Variants in NLGN1 observed in about 807,000 individuals in gnomAD.
NLGN1 encodes neuroligin-1.
In NLGN1, 12 loss-of-function variants were observed where a neutral mutation model predicts 65.5. That is an observed-to-expected ratio of 0.18 (90% CI 0.12 to 0.30). The LOEUF is 0.30. Ranked by LOEUF, NLGN1 falls within the 10% of genes least tolerant of loss-of-function variation. The pLI, the probability that NLGN1 is intolerant of heterozygous loss-of-function variation, is 1.00. For missense variants in NLGN1, 750 were observed against 1,007.1 expected, an observed-to-expected ratio of 0.74 and a Z score of 3.46; for synonymous variants, 350 against 359.5, an observed-to-expected ratio of 0.97 and a Z score of 0.30.
intron 4 of NLGN1, among the ~76,000 whole-genome samples, chr3:173,837,033 T>G (rs1723753908): frequency 6.6e-6 from 1 of 152,180 alleles, no homozygotes; most frequent in Admixed American, 6.6e-5. Flanking sequence ...TAAGTATATT[T>G]ACATAATAGA....
chr3:173,807,498 C>T (rs530654042), intron 3 of NLGN1, among the ~76,000 whole-genome samples, 182 bp from the exon 4 acceptor site: 1 of 152,154 alleles, frequency 6.6e-6, no homozygotes, highest in Non-Finnish European at 1.5e-5. Flanking sequence ...ACAATGGATG[C>T]CTATTGCTAT....
intron 4 of NLGN1, among the ~76,000 whole-genome samples, chr3:174,233,486 C>CATAATAATA (rs57467873): frequency 6.0e-4 from 88 of 146,928 alleles, no homozygotes; most frequent in South Asian, 2.0e-3. Context: ...AACTCTGTCT[C>CATAATAATA]ATAATAATAA....
intron 3 of NLGN1, among the ~76,000 whole-genome samples, chr3:173,773,015 A>C (rs946490503): frequency 6.6e-6 from 1 of 152,142 alleles, no homozygotes; most frequent in Admixed American, 6.5e-5. Context: ...CAACATTCCT[A>C]CTATGAATTC....
At chr3:173,950,441 C>T (rs1034541300) in intron 4 of NLGN1, among the ~76,000 whole-genome samples, 4 of 152,110 alleles carry the variant, frequency 2.6e-5, no homozygotes, top group Admixed American at 6.5e-5. Flanking sequence ...CAATGGCAAG[C>T]GCTGAACTAA....
At chr3:173,884,475 AAC>A (rs1189844870) in intron 4 of NLGN1, among the ~76,000 whole-genome samples, 4 of 152,178 alleles carry the variant, frequency 2.6e-5, no homozygotes, top group Non-Finnish European at 4.4e-5. Flanking sequence ...GCATAAATAT[AAC>A]ACTTTCTGTA....
At chr3:174,242,341 CG>C (rs1743037754) in intron 4 of NLGN1, among the ~76,000 whole-genome samples, 1 of 151,194 alleles carries the variant, frequency 6.6e-6, no homozygotes, top group African/African-American at 2.4e-5. Flanking sequence ...TGCAGTGAGC[CG>C]AGATTGCGAC....
At chr3:173,806,031 T>C (rs564633794) in intron 3 of NLGN1, among the ~76,000 whole-genome samples, 1 of 152,188 alleles carries the variant, frequency 6.6e-6, no homozygotes, top group Non-Finnish European at 1.5e-5. Flanking sequence ...TGTCAAAGTA[T>C]CCTTCCCTCA....
chr3:174,130,502 G>T (rs1719947023), intron 4 of NLGN1, among the ~76,000 whole-genome samples: 1 of 152,086 alleles, frequency 6.6e-6, no homozygotes, highest in Admixed American at 6.6e-5. Context: ...AATCTAAATG[G>T]GCTGGGTGTA....
chr3:173,536,198 C>T (rs546277269), intron 2 of NLGN1, among the ~76,000 whole-genome samples: 1 of 152,244 alleles, frequency 6.6e-6, no homozygotes, highest in South Asian at 2.1e-4. Context: ...GCAGATGTCT[C>T]ACCAGCTACT....
chr3:173,699,061 G>T (rs1766696400), intron 3 of NLGN1, among the ~76,000 whole-genome samples: 1 of 152,076 alleles, frequency 6.6e-6, no homozygotes, highest in South Asian at 2.1e-4. Flanking sequence ...TCTCCAGGTT[G>T]TTCAGGCTGG....
chr3:173,817,535 T>G (rs959529688), intron 4 of NLGN1, among the ~76,000 whole-genome samples: 2 of 152,218 alleles, frequency 1.3e-5, no homozygotes, highest in Admixed American at 1.3e-4. Context: ...AAGAATCTAT[T>G]TTTTACACAA....
chr3:173,577,885 A>G (rs2149353556), intron 2 of NLGN1, among the ~76,000 whole-genome samples: 1 of 152,322 alleles, frequency 6.6e-6, no homozygotes, highest in African/African-American at 2.4e-5. Flanking sequence ...ACAGATATAT[A>G]GACAGATAGA....
At chr3:173,808,183 G>A (rs914592589) in intron 4 of NLGN1, among the ~76,000 whole-genome samples, 2 of 152,076 alleles carry the variant, frequency 1.3e-5, no homozygotes, top group Admixed American at 6.6e-5. Flanking sequence ...TTTGGCGTGA[G>A]CTAAGACTAA....
At chr3:173,607,486 AT>A (rs1232888192) in intron 3 of NLGN1, among the ~76,000 whole-genome samples, 6 of 151,812 alleles carry the variant, frequency 4.0e-5, no homozygotes, top group African/African-American at 9.6e-5. Flanking sequence ...AATAACAAAA[AT>A]TTTTGATGTA....
intron 3 of NLGN1, among the ~76,000 whole-genome samples, chr3:173,718,343 C>T (rs1560228487): frequency 6.6e-6 from 1 of 152,126 alleles, no homozygotes; most frequent in Non-Finnish European, 1.5e-5. Context: ...TACTCCCTAC[C>T]TCCATGAAAT....
intron 3 of NLGN1, among the ~76,000 whole-genome samples, chr3:173,692,757 G>A (rs1164303750): frequency 6.6e-6 from 1 of 152,000 alleles, no homozygotes. Flanking sequence ...TAACTTTTTT[G>A]CAATATACTT....
chr3:174,003,527 CTCTT>C, intron 4 of NLGN1, among the ~76,000 whole-genome samples: 1 of 152,232 alleles, frequency 6.6e-6, no homozygotes, highest in East Asian at 1.9e-4. Flanking sequence ...TCTGTGGAAA[CTCTT>C]TATTTCATAT....
chr3:173,881,973 T>G (rs2150932057), intron 4 of NLGN1, among the ~76,000 whole-genome samples: 1 of 152,326 alleles, frequency 6.6e-6, no homozygotes, highest in Non-Finnish European at 1.5e-5. Context: ...AATGTATTTC[T>G]TAAATAATAA....
At chr3:173,459,603 GT>G (rs1484643193) in intron 2 of NLGN1, among the ~76,000 whole-genome samples, 11 of 152,162 alleles carry the variant, frequency 7.2e-5, no homozygotes, top group Non-Finnish European at 1.6e-4. Context: ...AACCATGGAA[GT>G]TTTTTCCGGG....
Sources: gnomAD v4.1 joint callset for allele counts (sites outside exome capture counted in the v4.1 genomes callset) on GRCh38, gnomAD v4.1.1 for gene constraint, MANE v1.5 for transcripts, NCBI Gene and HGNC (gene_info 2026-07-23, HGNC 2026-07-21) for gene names.